Variants in EPB41L2 observed in about 807,000 individuals in gnomAD.
EPB41L2 encodes the protein band 4.1-like protein 2.
EPB41L2 carries 43 observed loss-of-function variants against 113.0 expected under a neutral mutation model. The observed-to-expected ratio is 0.38, with a 90% CI of 0.30 to 0.49. The LOEUF (loss-of-function observed/expected upper bound fraction) is 0.49. Ranked by LOEUF, EPB41L2 falls within the 20% of genes least tolerant of loss-of-function variation. EPB41L2 has a pLI of 0.95. For missense variants in EPB41L2, 1,147 were observed against 1,223.4 expected, an observed-to-expected ratio of 0.94 and a Z score of 0.93; for synonymous variants, 442 against 436.7, an observed-to-expected ratio of 1.01 and a Z score of -0.15.
At chr6:131,059,079 ATTAT>A (rs57169197) in intron 1 of EPB41L2, among the ~76,000 whole-genome samples, 24,411 of 148,250 alleles carry the variant, frequency 0.16, 2,166 homozygotes, top group African/African-American at 0.22. Flanking sequence ...GATAACTGAG[ATTAT>A]TTATTTCTTT....
intron 11 of EPB41L2, among the ~76,000 whole-genome samples, chr6:130,888,316 A>T (rs1380833497): frequency 1.3e-5 from 2 of 152,140 alleles, no homozygotes; most frequent in Non-Finnish European, 2.9e-5. Flanking sequence ...CCTTTTGATG[A>T]CTTACCCATC....
chr6:131,007,246 G>A (rs1785808419), intron 1 of EPB41L2, among the ~76,000 whole-genome samples: 1 of 152,156 alleles, frequency 6.6e-6, no homozygotes, highest in East Asian at 1.9e-4. Context: ...GTTCTCATAA[G>A]ATATTGTAGT....
chr6:130,915,193 C>T (rs939327163), intron 4 of EPB41L2, among the ~76,000 whole-genome samples: 3 of 151,336 alleles, frequency 2.0e-5, no homozygotes, highest in African/African-American at 7.3e-5. Context: ...GTCCCAGCTA[C>T]TTGGGAGGCT....
intron 4 of EPB41L2, among the ~76,000 whole-genome samples, chr6:130,914,369 T>C (rs1488509771): frequency 6.6e-6 from 1 of 152,224 alleles, no homozygotes; most frequent in Non-Finnish European, 1.5e-5. Flanking sequence ...TATGAATATT[T>C]CTACCCACAA....
chr6:130,947,961 C>T (rs1046221653), intron 3 of EPB41L2, among the ~76,000 whole-genome samples: 1 of 152,152 alleles, frequency 6.6e-6, no homozygotes, highest in Non-Finnish European at 1.5e-5. Context: ...TTCAAGTGAA[C>T]TGCTGGTACA....
intron 1 of EPB41L2, among the ~76,000 whole-genome samples, chr6:130,966,312 A>T (rs778009791): frequency 6.6e-6 from 1 of 152,254 alleles, no homozygotes; most frequent in African/African-American, 2.4e-5. Flanking sequence ...AAGAGAAAAG[A>T]TGAGAAAGGC....
chr6:131,060,969 A>AT, intron 1 of EPB41L2, among the ~76,000 whole-genome samples: 1 of 152,308 alleles, frequency 6.6e-6, no homozygotes, highest in East Asian at 1.9e-4. Context: ...GCTTTAACTG[A>AT]TTTTTTAAAA....
At chr6:130,870,552 A>G (rs907015564) in intron 14 of EPB41L2, among the ~76,000 whole-genome samples, 3 of 152,224 alleles carry the variant, frequency 2.0e-5, no homozygotes, top group African/African-American at 7.2e-5. Flanking sequence ...AAAGCTTACA[A>G]AAAGACACAA....
intron 1 of EPB41L2, among the ~76,000 whole-genome samples, chr6:130,999,830 T>C (rs904349506): frequency 6.6e-6 from 1 of 152,222 alleles, no homozygotes; most frequent in Admixed American, 6.5e-5. Context: ...AAAGAAATTT[T>C]AGACTGAGCT....
rs1476009202 is a variant in EPB41L2 at position 131,059,369 on chromosome 6, C to T, written c.-15+3786G>A. On this transcript the variant is annotated intron_variant, in intron 1 of 19. Transcript: ENST00000337057. ...GACCTCATGATCCACCCGCCTCAGC[C>T]TCCCAAAGAGGTGGGATTACAGGCG... Among the ~76,000 whole-genome samples, 4 of 152,334 alleles carry T rather than the reference C, an allele frequency of 2.6e-5. No homozygotes were observed. The East Asian group carries it at 5.8e-4, about 22-fold the overall frequency.
intron 9 of EPB41L2, 112 bp downstream of exon 9, chr6:130,894,855 A>G: frequency 1.7e-6 from 2 of 1,171,316 alleles, no homozygotes. Context: ...TTACAATGGA[A>G]GAATAAATAG....
At chr6:130,959,518 C>T (rs1006655) in intron 1 of EPB41L2, among the ~76,000 whole-genome samples, 118,613 of 152,176 alleles carry the variant, frequency 0.78, 46,714 homozygotes, top group East Asian at 1. Flanking sequence ...AGTAATATCC[C>T]TGACAGCAAT....
intron 16 of EPB41L2, 103 bp downstream of exon 16, chr6:130,867,356 A>G: frequency 2.1e-6 from 3 of 1,450,262 alleles, no homozygotes; most frequent in Non-Finnish European, 2.8e-6. Context: ...ACAAAAAGCT[A>G]CATCAAAGCC....
chr6:131,002,885 T>A (rs1784658811), intron 1 of EPB41L2, among the ~76,000 whole-genome samples: 1 of 152,228 alleles, frequency 6.6e-6, no homozygotes, highest in Non-Finnish European at 1.5e-5. Flanking sequence ...GGGTCAATGA[T>A]CTTTTAAGTC....
chr6:130,855,131 T>C (rs1205348910), intron 19 of EPB41L2, among the ~76,000 whole-genome samples: 1 of 151,910 alleles, frequency 6.6e-6, no homozygotes, highest in Admixed American at 6.6e-5. Context: ...GGCAGATCAC[T>C]TGAGAACAGG....
Position 131,019,069 on chromosome 6 carries a change from G to A in EPB41L2, c.-15+44086C>T, listed in dbSNP as rs572826487. ...TAAAAACCCTACTTGGGATATGCGT[G>A]AATTTTCACTGAAATTACCCATTTA... On this transcript the variant is annotated intron_variant, in intron 1 of 19. Coordinates refer to ENST00000337057, the MANE Select transcript of EPB41L2 (RefSeq NM_001431.4). 2.4e-4 allele frequency among the ~76,000 whole-genome samples: 36 copies of A among 152,214 alleles called. 1 individual carries two copies. Among genetic ancestry groups the A allele is most frequent in the African/African-American group, 7.2e-4 (30 of 41,532 alleles).
At chr6:130,974,717 C>CTTTTCT (rs1777758154) in intron 1 of EPB41L2, among the ~76,000 whole-genome samples, 3 of 64,642 alleles carry the variant, frequency 4.6e-5, no homozygotes, top group African/African-American at 1.9e-4. Flanking sequence ...CTTTTCTTTT[C>CTTTTCT]TTTTTTTTTT....
At chr6:130,849,527 T>C (rs1336697399) in intron 19 of EPB41L2, among the ~76,000 whole-genome samples, 1 of 152,192 alleles carries the variant, frequency 6.6e-6, no homozygotes, top group Non-Finnish European at 1.5e-5. Flanking sequence ...CCGTGAAAAC[T>C]GAGGGATAAT....
intron 1 of EPB41L2, among the ~76,000 whole-genome samples, chr6:131,040,262 AC>A (rs145809320): frequency 5.3e-4 from 80 of 152,270 alleles, no homozygotes; most frequent in Non-Finnish European, 4.3e-4. Context: ...ACATGGCGAA[AC>A]CCCATCTCTA....
Sources: allele counts gnomAD v4.1 joint callset (sites outside exome capture counted in the v4.1 genomes callset), GRCh38; gene constraint gnomAD v4.1.1; transcripts MANE v1.5; gene names NCBI Gene and HGNC (gene_info 2026-07-23, HGNC 2026-07-21).